The following SLC9B2 variants were observed in gnomAD, a reference collection of about 807,000 sequenced individuals.
SLC9B2 encodes sodium/hydrogen exchanger 9B2.
A neutral mutation model predicts 52.2 loss-of-function variants in SLC9B2; 39 were observed. That is an observed-to-expected ratio of 0.75 (90% CI 0.58 to 0.98). SLC9B2 has a LOEUF of 0.98. SLC9B2 is among the 50% of genes least tolerant of loss of function. The probability of loss-of-function intolerance (pLI) is 0.00; values close to 1 mark genes in which losing one functional copy is unlikely to be tolerated. For missense variants in SLC9B2, 626 were observed against 637.5 expected, an observed-to-expected ratio of 0.98 and a Z score of 0.19; for synonymous variants, 214 against 227.0, an observed-to-expected ratio of 0.94 and a Z score of 0.51.
chr4:103,072,130 C>T (rs551891176), intron 1 of SLC9B2, among the ~76,000 whole-genome samples: 9 of 139,236 alleles, frequency 6.5e-5, no homozygotes, highest in Admixed American at 1.6e-4. Flanking sequence ...GAGATCTCAG[C>T]TCACTGCAAC....
intron 10 of SLC9B2, among the ~76,000 whole-genome samples, chr4:103,029,522 A>T (rs1057252871): frequency 1.3e-5 from 2 of 152,158 alleles, no homozygotes; most frequent in East Asian, 3.9e-4. Flanking sequence ...CTGGCAGTCT[A>T]CCACTGTTTC....
chr4:103,066,841 C>G lies in SLC9B2; in HGVS notation c.91-334G>C, dbSNP rs189872190. Among the ~76,000 whole-genome samples, 107 of 152,164 alleles carry G rather than the reference C, an allele frequency of 7.0e-4. 1 individual carries two copies. The highest frequency in any genetic ancestry group is 2.4e-3 in the African/African-American group (99 of 41,512). ...CTAAAGTCACATGACAGGTAACAGT[C>G]AAATGCAACTTTGTTTCATGTACAA... On this transcript the variant is annotated intron_variant, in intron 2 of 11. Coordinates refer to ENST00000394785, the MANE Select transcript of SLC9B2 (RefSeq NM_178833.7).
intron 4 of SLC9B2, among the ~76,000 whole-genome samples, chr4:103,054,414 G>A (rs1407978699): frequency 6.6e-6 from 1 of 152,128 alleles, no homozygotes; most frequent in Admixed American, 6.6e-5. Context: ...TACTTAATTA[G>A]AATTTGTATT....
intron 3 of SLC9B2, among the ~76,000 whole-genome samples, chr4:103,062,731 C>T (rs924979918): frequency 2.7e-4 from 41 of 152,180 alleles, no homozygotes; most frequent in African/African-American, 9.7e-4. Context: ...CTGTCTCAGC[C>T]TCCTAAGTAG....
chr4:103,029,127 T>C (rs1742476590), intron 10 of SLC9B2, among the ~76,000 whole-genome samples: 2 of 152,184 alleles, frequency 1.3e-5, no homozygotes, highest in Non-Finnish European at 2.9e-5. Context: ...AATTCTTATG[T>C]AGAGATTTGA....
chr4:103,057,874 A>G lies in SLC9B2; in HGVS notation c.369T>C (p.Tyr123=). 6.2e-7 allele frequency: 1 copy of G among 1,613,964 alleles called. No individual in the cohort carries two copies. The highest frequency in any genetic ancestry group is 8.5e-7 in the Non-Finnish European group (1 of 1,179,962). Residue 123 remains tyrosine, a synonymous_variant, in exon 4 of 12, where the codon TAT becomes TAC. Coordinates refer to ENST00000394785, the MANE Select transcript of SLC9B2 (RefSeq NM_178833.7). The part of the protein sequence containing the change: ...GNLFGIIILF[Y]CAIIGGKLLG... ...AAAGTTTACCACCAATGATGGCACA[A>G]TAGAATAGGATTATAATTCCAAATA...
intron 1 of SLC9B2, among the ~76,000 whole-genome samples, chr4:103,071,240 G>C (rs2110671287): frequency 6.6e-6 from 1 of 152,006 alleles, no homozygotes; most frequent in African/African-American, 2.4e-5. Flanking sequence ...TTCTCGCTCT[G>C]TCACCCAGGC....
downstream of SLC9B2, among the ~76,000 whole-genome samples, chr4:103,020,550 G>A (rs538356823): frequency 1.3e-5 from 2 of 152,138 alleles, no homozygotes; most frequent in African/African-American, 4.8e-5. Context: ...TTCCTCTACC[G>A]GAGTGTTCTT....
chr4:103,057,894 C>T lies in SLC9B2; in HGVS notation c.349G>A (p.Gly117Arg), dbSNP rs143457915. 2.0e-4 allele frequency: 330 copies of T among 1,613,834 alleles called. No homozygotes were observed. The African/African-American group carries it at 4.0e-3, about 19-fold the overall frequency. ...GCACAATAGAATAGGATTATAATTC[C>T]AAATAGGTTTCCTCCAGGAAGACAT... ...SECLPGGNLF[G>R]IIILFYCAII... is the part of the protein sequence containing the mutation. The change falls in exon 4 of 12, where the codon GGA (glycine) becomes AGA (arginine). Residue 117 changes from glycine to arginine, a missense_variant. Physicochemically the swap from Gly to Arg is moderately radical, Grantham distance 125. Transcript: ENST00000394785.
At chr4:103,072,353 A>G (rs1664603620) in intron 1 of SLC9B2, among the ~76,000 whole-genome samples, 1 of 152,160 alleles carries the variant, frequency 6.6e-6, no homozygotes, top group African/African-American at 2.4e-5. Flanking sequence ...CACCGCACCC[A>G]GCCCTGGTCT....
In SLC9B2 at chr4:103,050,349, A is replaced by G. The variant is rs7672710; in HGVS notation, c.476T>C (p.Ile159Thr). 2.6e-4 allele frequency: 421 copies of G among 1,605,592 alleles called. 3 individuals are homozygous for G. The African/African-American group carries it at 5.2e-3, about 20-fold the overall frequency. The change falls in exon 5 of 12, where the codon ATC (isoleucine) becomes ACC (threonine). Residue 159 changes from isoleucine to threonine, a missense_variant. Physicochemically the swap from Ile to Thr is moderately conservative, Grantham distance 89 (BLOSUM62 -1). Transcript: ENST00000394785. ...MLLAGFLIRNIPVINDNVQIK... is the reference protein window; with the variant it reads ...MLLAGFLIRNTPVINDNVQIK... ...CTGCACATTATCGTTGATGACTGGG[A>G]TATTTCTGATGAGAAACCCTGCAAG...
At chr4:103,044,103 G>C (rs1743886630) in intron 8 of SLC9B2, among the ~76,000 whole-genome samples, 1 of 152,118 alleles carries the variant, frequency 6.6e-6, no homozygotes. Flanking sequence ...AAAAGTGCTT[G>C]ACTTGGCAAA....
intron 11 of SLC9B2, 65 bp downstream of exon 11, chr4:103,028,682 T>A (rs563082752): frequency 6.6e-7 from 1 of 1,512,808 alleles, no homozygotes; most frequent in Admixed American, 2.5e-5. Flanking sequence ...AGCCCTCTTA[T>A]TCAATATTTC....
intron 6 of SLC9B2, among the ~76,000 whole-genome samples, 161 bp from the exon 7 acceptor site, chr4:103,047,387 GT>G (rs566315851): frequency 7.1e-6 from 1 of 141,112 alleles, no homozygotes; most frequent in South Asian, 2.3e-4. Flanking sequence ...ATTGTTTTTT[GT>G]TTTTTTTTCT....
At chr4:103,027,576 T>C (rs1014790425) in intron 11 of SLC9B2, among the ~76,000 whole-genome samples, 5 of 152,166 alleles carry the variant, frequency 3.3e-5, no homozygotes, top group African/African-American at 1.2e-4. Flanking sequence ...TATTAATTAA[T>C]CTGGTTATCC....
intron 1 of SLC9B2, among the ~76,000 whole-genome samples, chr4:103,073,279 C>T (rs763834675): frequency 3.9e-5 from 6 of 152,182 alleles, no homozygotes; most frequent in Non-Finnish European, 7.3e-5. Context: ...GTTCAATACT[C>T]TATAATGATA....
At chr4:103,075,568 AG>A (rs1226052182) in intron 1 of SLC9B2, among the ~76,000 whole-genome samples, 1 of 152,182 alleles carries the variant, frequency 6.6e-6, no homozygotes, top group Non-Finnish European at 1.5e-5. Flanking sequence ...TCTCCCTTGC[AG>A]GTCAGTGTGG....
intron 4 of SLC9B2, among the ~76,000 whole-genome samples, chr4:103,057,271 TATAC>T (rs1364863219): frequency 6.9e-6 from 1 of 144,810 alleles, no homozygotes; most frequent in South Asian, 2.1e-4. Context: ...TATATATATA[TATAC>T]ACACACACAC....
At chr4:103,072,076 T>TTTTTTTTTTTTTTG (rs1746699741) in intron 1 of SLC9B2, among the ~76,000 whole-genome samples, 5 of 148,566 alleles carry the variant, frequency 3.4e-5, no homozygotes, top group Admixed American at 6.7e-5. Context: ...TTTTTTTTTT[T>TTTTTTTTTTTTTTG]GAGGTGGAGT....
Sources: allele counts gnomAD v4.1 joint callset (sites outside exome capture counted in the v4.1 genomes callset), GRCh38; gene constraint gnomAD v4.1.1; transcripts MANE v1.5; gene names NCBI Gene and HGNC (gene_info 2026-07-23, HGNC 2026-07-21).